Variants in PTPRD observed in about 807,000 individuals in gnomAD.
PTPRD encodes receptor-type tyrosine-protein phosphatase delta.
PTPRD carries 34 observed loss-of-function variants against 214.5 expected under a neutral mutation model. The observed-to-expected ratio is 0.16, with a 90% CI of 0.12 to 0.21. The LOEUF is 0.21. Among genes scored for constraint, PTPRD ranks in the 10% least tolerant of loss-of-function variants. PTPRD has a pLI of 1.00. For missense variants in PTPRD, 2,545 were observed against 2,398.7 expected (o/e 1.06, Z -1.27); for synonymous variants, 1,128 against 845.7 (o/e 1.33, Z -5.79).
intron 11 of PTPRD, among the ~76,000 whole-genome samples, chr9:8,757,073 C>G (rs1333247923): frequency 6.6e-6 from 1 of 152,146 alleles, no homozygotes; most frequent in Non-Finnish European, 1.5e-5. Context: ...ACCTGGGAGG[C>G]AGAGGTTGCA....
chr9:10,434,853 A>T (rs2098706851), intron 2 of PTPRD, among the ~76,000 whole-genome samples: 2 of 151,754 alleles, frequency 1.3e-5, no homozygotes, highest in Admixed American at 6.6e-5. Context: ...ATAAATCTGG[A>T]CTGGTTATGG....
intron 3 of PTPRD, among the ~76,000 whole-genome samples, chr9:10,035,833 A>C (rs2097170418): frequency 6.6e-6 from 1 of 152,080 alleles, no homozygotes; most frequent in South Asian, 2.1e-4. Flanking sequence ...TAAAAAAAAA[A>C]ATAGGCATGA....
intron 12 of PTPRD, among the ~76,000 whole-genome samples, chr9:8,686,239 T>G (rs911409479): frequency 3.3e-5 from 5 of 152,210 alleles, no homozygotes; most frequent in African/African-American, 1.2e-4. Context: ...ACTTAAAATA[T>G]TCAGTGACCA....
chr9:10,327,192 TA>T (rs2096659939), intron 3 of PTPRD, among the ~76,000 whole-genome samples: 1 of 148,352 alleles, frequency 6.7e-6, no homozygotes, highest in Non-Finnish European at 1.5e-5. Flanking sequence ...TATATATATA[TA>T]TATATGATAG....
chr9:9,155,098 G>A (rs2099880088), intron 10 of PTPRD, among the ~76,000 whole-genome samples: 1 of 152,174 alleles, frequency 6.6e-6, no homozygotes, highest in African/African-American at 2.4e-5. Context: ...AGCAATATCA[G>A]TTTCTTATGT....
chr9:9,518,281 C>A lies in PTPRD; in HGVS notation c.-237+56451G>T, dbSNP rs117945998. Among the ~76,000 whole-genome samples, 797 of 152,120 alleles carry A rather than the reference C, an allele frequency of 5.2e-3. 8 individuals are homozygous for A. Among genetic ancestry groups the A allele is most frequent in the Admixed American group, 8.3e-3 (126 of 15,266 alleles). ...TAATGTTAACAAGCATAAACTTTAT[C>A]CTTAACATGATGAGTGAAGTGTTTC... On this transcript the variant is annotated intron_variant, in intron 8 of 45. Transcript: ENST00000381196.
rs760635607 is a variant in PTPRD, at chr9:8,486,015, G to A, written c.2802C>T (p.Ser934=). The change falls in exon 28 of 46, where the codon TCC becomes TCT. Residue 934 remains serine (S), a synonymous_variant. Coordinates refer to ENST00000381196, the MANE Select transcript of PTPRD (RefSeq NM_002839.4). The part of the protein sequence containing the change: ...NLHSEGTTST[S]VQLSWQPPVL... The stretch of plus-strand genomic sequence containing the variant: ...CAGGTGGTTGCCAAGATAACTGGAC[G>A]GAGGTTGAAGTGGTGCCTTCTGAGT... The A allele has an allele frequency of 5.0e-6, 8 of 1,614,042 alleles. No individual in the cohort carries two copies. Among genetic ancestry groups the A allele is most frequent in the South Asian group, 3.3e-5 (3 of 91,082 alleles).
intron 35 of PTPRD, among the ~76,000 whole-genome samples, chr9:8,409,411 T>A (rs1489576741): frequency 1.3e-5 from 2 of 152,144 alleles, no homozygotes; most frequent in Non-Finnish European, 2.9e-5. Flanking sequence ...CACTTGCCTT[T>A]CAACTATTCT....
At chr9:8,743,775 G>T (rs896389074) in intron 11 of PTPRD, among the ~76,000 whole-genome samples, 8 of 145,746 alleles carry the variant, frequency 5.5e-5, no homozygotes, top group African/African-American at 2.0e-4. Flanking sequence ...AACTAAAAAA[G>T]CTTCTGCACA....
intron 7 of PTPRD, among the ~76,000 whole-genome samples, chr9:9,658,833 T>G (rs2096570789): frequency 6.6e-6 from 1 of 152,156 alleles, no homozygotes; most frequent in African/African-American, 2.4e-5. Context: ...TCACAACAAT[T>G]CTTGGTGCTT....
At chr9:8,709,963 T>C (rs2098295392) in intron 12 of PTPRD, among the ~76,000 whole-genome samples, 1 of 152,198 alleles carries the variant, frequency 6.6e-6, no homozygotes, top group Non-Finnish European at 1.5e-5. Context: ...GCTTATTATT[T>C]ATTATGAACA....
intron 10 of PTPRD, among the ~76,000 whole-genome samples, chr9:9,091,502 A>G (rs1281748409): frequency 1.3e-5 from 2 of 152,278 alleles, no homozygotes; most frequent in African/African-American, 4.8e-5. Context: ...CAATATGGAC[A>G]TTTGTCCTAC....
At chr9:10,151,837 C>A (rs960615419) in intron 3 of PTPRD, among the ~76,000 whole-genome samples, 4 of 152,106 alleles carry the variant, frequency 2.6e-5, no homozygotes, top group Non-Finnish European at 4.4e-5. Context: ...CCTACAATAG[C>A]TAGGCTTCTT....
intron 2 of PTPRD, among the ~76,000 whole-genome samples, chr9:10,560,434 G>A (rs1348663854): frequency 1.3e-5 from 2 of 152,074 alleles, no homozygotes; most frequent in African/African-American, 2.4e-5. Context: ...GGGAGGGATA[G>A]CACTGGGAGA....
chr9:8,593,164 A>C (rs1437067353), intron 14 of PTPRD, among the ~76,000 whole-genome samples: 1 of 152,182 alleles, frequency 6.6e-6, no homozygotes, highest in Non-Finnish European at 1.5e-5. Context: ...CATAAAAGAA[A>C]CAAAATTTTC....
At chr9:10,131,533 G>T (rs1476852632) in intron 3 of PTPRD, among the ~76,000 whole-genome samples, 1 of 152,154 alleles carries the variant, frequency 6.6e-6, no homozygotes, top group East Asian at 1.9e-4. Flanking sequence ...AATAACACAT[G>T]TAATGTCTCA....
At chr9:9,282,801 G>A (rs1163792948) in intron 9 of PTPRD, among the ~76,000 whole-genome samples, 2 of 151,392 alleles carry the variant, frequency 1.3e-5, no homozygotes, top group East Asian at 2.0e-4. Flanking sequence ...TGTGGTTAAA[G>A]CCCTAATAAA....
At chr9:8,642,912 A>G (rs1050226359) in intron 12 of PTPRD, among the ~76,000 whole-genome samples, 1 of 152,144 alleles carries the variant, frequency 6.6e-6, no homozygotes, top group African/African-American at 2.4e-5. Flanking sequence ...GGGAGGTCCC[A>G]AAGTTGATGT....
At chr9:10,158,461 T>C (rs2099107444) in intron 3 of PTPRD, among the ~76,000 whole-genome samples, 1 of 152,162 alleles carries the variant, frequency 6.6e-6, no homozygotes, top group Non-Finnish European at 1.5e-5. Context: ...TTGGATTTGG[T>C]TTGCTAAAAT....
Sources: gnomAD v4.1 joint callset for allele counts (sites outside exome capture counted in the v4.1 genomes callset) on GRCh38, gnomAD v4.1.1 for gene constraint, MANE v1.5 for transcripts, NCBI Gene and HGNC (gene_info 2026-07-23, HGNC 2026-07-21) for gene names.